The following NCKAP5 variants were observed in gnomAD, a reference collection of about 807,000 sequenced individuals.
The protein encoded by NCKAP5 is NCK associated protein 5, also known as nck-associated protein 5.
A neutral mutation model predicts 167.0 loss-of-function variants in NCKAP5; 92 were observed. The observed-to-expected ratio is 0.55, with a 90% CI of 0.47 to 0.66. The LOEUF (loss-of-function observed/expected upper bound fraction) is 0.66, where lower values mean the gene tolerates loss of function less well. Among genes scored for constraint, NCKAP5 ranks in the 30% least tolerant of loss-of-function variants. The pLI, the probability that NCKAP5 is intolerant of heterozygous loss-of-function variation, is 0.00. For synonymous variants in NCKAP5, 891 were observed against 877.4 expected (o/e 1.02, Z -0.27); for missense variants, 2,378 against 2,315.0 (o/e 1.03, Z -0.56).
chr2:132,910,846 G>A (rs1694391810), intron 8 of NCKAP5, among the ~76,000 whole-genome samples: 1 of 152,124 alleles, frequency 6.6e-6, no homozygotes, highest in African/African-American at 2.4e-5. Context: ...CCAAACAATG[G>A]CCAAAGAAGA....
chr2:133,170,433 G>A (rs773066227), intron 5 of NCKAP5, among the ~76,000 whole-genome samples: 7 of 152,166 alleles, frequency 4.6e-5, no homozygotes, highest in African/African-American at 9.7e-5. Flanking sequence ...GAGGATAATG[G>A]TTTGTCATCA....
intron 5 of NCKAP5, among the ~76,000 whole-genome samples, chr2:133,162,827 T>C (rs1231420880): frequency 6.6e-6 from 1 of 152,204 alleles, no homozygotes; most frequent in Non-Finnish European, 1.5e-5. Flanking sequence ...GCAGTTAAAA[T>C]AACTGTGTGT....
Position 133,172,651 on chromosome 2 carries a change from G to T in NCKAP5, c.207+41065C>A, listed in dbSNP as rs567522295. On this transcript the variant is annotated intron_variant, in intron 5 of 19. Transcript: ENST00000409261. ...ACATCTGGCTAATCGTTTTTTTTTT[G>T]TTGTTGTTGTTTTTGAGATGGAGTC... Among the ~76,000 whole-genome samples the T allele has an allele frequency of 5.0e-4, 74 of 147,016 alleles. 1 individual carries two copies. The highest frequency in any genetic ancestry group is 6.5e-4 in the Non-Finnish European group (43 of 66,144).
chr2:133,163,884 A>G (rs6430398), intron 5 of NCKAP5, among the ~76,000 whole-genome samples: 21,526 of 151,976 alleles, frequency 0.14, 1,710 homozygotes, highest in East Asian at 0.39. Flanking sequence ...GTAACTAGGT[A>G]AGAACCTTTT....
chr2:133,218,736 A>G (rs1385879067), intron 4 of NCKAP5, among the ~76,000 whole-genome samples: 1 of 152,216 alleles, frequency 6.6e-6, no homozygotes, highest in South Asian at 2.1e-4. Context: ...TCAAAAGCCA[A>G]TCTTATCCCC....
At chr2:133,620,179 G>GAAA in the NCKAP5 span, among the ~76,000 whole-genome samples, 3 of 150,346 alleles carry the variant, frequency 2.0e-5, no homozygotes. Flanking sequence ...ATAACACAAT[G>GAAA]AAAAAAAAAG....
At chr2:132,903,864 C>T (rs565880342) in intron 8 of NCKAP5, among the ~76,000 whole-genome samples, 11 of 152,150 alleles carry the variant, frequency 7.2e-5, no homozygotes, top group East Asian at 5.8e-4. Context: ...GCAACCCACA[C>T]GTAATTACCA....
At chr2:133,669,495 C>G in the NCKAP5 span, among the ~76,000 whole-genome samples, 1 of 152,154 alleles carries the variant, frequency 6.6e-6, no homozygotes, top group African/African-American at 2.4e-5. Context: ...TTCTTGGGTG[C>G]TCCACCACTT....
At chr2:133,385,726 C>A (rs1686904480) in intron 3 of NCKAP5, among the ~76,000 whole-genome samples, 1 of 152,172 alleles carries the variant, frequency 6.6e-6, no homozygotes, top group South Asian at 2.1e-4. Flanking sequence ...AATTTCAGAG[C>A]CTGTTATTGG....
intron 6 of NCKAP5, among the ~76,000 whole-genome samples, chr2:133,103,319 G>A (rs1449877385): frequency 6.6e-6 from 1 of 152,186 alleles, no homozygotes; most frequent in Non-Finnish European, 1.5e-5. Flanking sequence ...AACATAGACT[G>A]CCTGGGATTG....
At chr2:132,976,049 C>T (rs1331103649) in intron 7 of NCKAP5, among the ~76,000 whole-genome samples, 2 of 152,056 alleles carry the variant, frequency 1.3e-5, no homozygotes, top group Non-Finnish European at 2.9e-5. Context: ...TAAATTTAAG[C>T]CAATATAAAA....
At chr2:132,698,909 C>T (rs1687597124) in intron 19 of NCKAP5, among the ~76,000 whole-genome samples, 1 of 152,012 alleles carries the variant, frequency 6.6e-6, no homozygotes, top group African/African-American at 2.4e-5. Context: ...GAACCAGAAA[C>T]TCTGGGTTAA....
chr2:133,262,031 A>G (rs534559033), intron 4 of NCKAP5, among the ~76,000 whole-genome samples: 1 of 152,360 alleles, frequency 6.6e-6, no homozygotes, highest in Admixed American at 6.5e-5. Flanking sequence ...TGATATGAAA[A>G]TTATATTAAA....
At chr2:133,115,025 C>T (rs2082027804) in intron 6 of NCKAP5, among the ~76,000 whole-genome samples, 1 of 152,136 alleles carries the variant, frequency 6.6e-6, no homozygotes, top group African/African-American at 2.4e-5. Context: ...AACTTCTCTC[C>T]ACTGAGGATG....
intron 4 of NCKAP5, among the ~76,000 whole-genome samples, chr2:133,244,288 G>A (rs2087868420): frequency 6.6e-6 from 1 of 151,942 alleles, no homozygotes; most frequent in Non-Finnish European, 1.5e-5. Context: ...CTATCTCTTT[G>A]TAAGATCCTC....
At chr2:133,050,831 C>G (rs2079575046) in intron 6 of NCKAP5, among the ~76,000 whole-genome samples, 1 of 152,226 alleles carries the variant, frequency 6.6e-6, no homozygotes. Context: ...TATCACCCAA[C>G]AGCCTTTGAT....
intron 3 of NCKAP5, among the ~76,000 whole-genome samples, chr2:133,389,391 A>C (rs1235009450): frequency 3.3e-5 from 5 of 152,154 alleles, no homozygotes; most frequent in Admixed American, 3.3e-4. Context: ...CAAATGTCAC[A>C]CCTCATAATT....
At chr2:132,703,919 T>A (rs1311116490) in intron 19 of NCKAP5, among the ~76,000 whole-genome samples, 1 of 152,166 alleles carries the variant, frequency 6.6e-6, no homozygotes, top group African/African-American at 2.4e-5. Flanking sequence ...CTGGCCCTTA[T>A]TTGTACATCT....
Position 132,765,080 on chromosome 2 carries a change from A to T in NCKAP5, c.5128+8736T>A, listed in dbSNP as rs112907930. 1.8e-3 allele frequency among the ~76,000 whole-genome samples: 280 copies of T among 152,324 alleles called. 1 individual carries two copies. The highest frequency in any genetic ancestry group is 6.8e-3 in the Middle Eastern group (2 of 294). On this transcript the variant is annotated intron_variant, in intron 16 of 19. Transcript: ENST00000409261. ...TGTATTCCACAAAATATTTATTTGA[A>T]CATCTACGTAGCTTGTTGGTGACCA...
Sources: gnomAD v4.1 joint callset for allele counts (sites outside exome capture counted in the v4.1 genomes callset) on GRCh38, gnomAD v4.1.1 for gene constraint, MANE v1.5 for transcripts, NCBI Gene and HGNC (gene_info 2026-07-23, HGNC 2026-07-21) for gene names.